The following SRFBP1 variants were observed in gnomAD, a reference collection of about 807,000 sequenced individuals.
SRFBP1 encodes serum response factor binding protein 1, also known as serum response factor-binding protein 1.
A neutral mutation model predicts 45.5 loss-of-function variants in SRFBP1; 47 were observed. The ratio of observed to expected loss-of-function variants is 1.03; its 90% CI spans 0.82 to 1.32. SRFBP1 has a LOEUF of 1.32. Among genes scored for constraint, SRFBP1 ranks in the 40% most tolerant of loss-of-function variants. The pLI is 0.00. For synonymous variants in SRFBP1, 203 were observed against 166.3 expected, an observed-to-expected ratio of 1.22 and a Z score of -1.70; for missense variants, 621 against 484.6, an observed-to-expected ratio of 1.28 and a Z score of -2.64.
chr5:122,077,298 G>A, downstream of SRFBP1: 1 of 1,606,702 alleles, frequency 6.2e-7, no homozygotes, highest in East Asian at 2.2e-5. The surrounding 1 kb of genome is among the most constrained non-coding windows in gnomAD (Gnocchi z 4.9). Flanking sequence ...ACGTCGAGAA[G>A]CCACATAGCT....
At chr5:122,031,829 C>A (rs1753591900), downstream of SRFBP1, among the ~76,000 whole-genome samples, 1 of 152,152 alleles carries the variant, frequency 6.6e-6, no homozygotes, top group Non-Finnish European at 1.5e-5. Flanking sequence ...TTGATACAGA[C>A]TACAACGTGA....
At chr5:121,988,045 G>A (rs1752550526) in intron 3 of SRFBP1, among the ~76,000 whole-genome samples, 1 of 152,202 alleles carries the variant, frequency 6.6e-6, no homozygotes, top group Non-Finnish European at 1.5e-5. Context: ...AAAGCAAAAA[G>A]TGGCATCTAG....
intron 4 of SRFBP1, among the ~76,000 whole-genome samples, chr5:122,000,105 T>A (rs1229856934): frequency 6.6e-6 from 1 of 152,078 alleles, no homozygotes; most frequent in Admixed American, 6.6e-5. Context: ...TTATTGTTTT[T>A]TAGTGTTCAC....
At chr5:122,011,962 C>G (rs1225559213) in intron 4 of SRFBP1, among the ~76,000 whole-genome samples, 1 of 152,014 alleles carries the variant, frequency 6.6e-6, no homozygotes, top group African/African-American at 2.4e-5. Context: ...CATTTATTTT[C>G]AAAAACACAT....
At chr5:122,059,564 G>A (rs1052165200) in intron 2 of SRFBP1, among the ~76,000 whole-genome samples, 1 of 152,066 alleles carries the variant, frequency 6.6e-6, no homozygotes, top group Non-Finnish European at 1.5e-5. Flanking sequence ...AATGGTGAGA[G>A]TAGCAAGAGA....
At chr5:122,077,575 A>T (rs746769036), downstream of SRFBP1, 34 of 1,612,872 alleles carry the variant, frequency 2.1e-5, no homozygotes, top group Non-Finnish European at 2.9e-5. The surrounding 1 kb of genome is among the most constrained non-coding windows in gnomAD (Gnocchi z 4.9). Context: ...GCGAGGCGCC[A>T]GCTTCGCGGG....
In SRFBP1 at chr5:122,019,351, A is replaced by T. The variant is rs1753254206; in HGVS notation, c.352+10A>T. On this transcript the variant is annotated intron_variant, in intron 5 of 7. Coordinates refer to ENST00000339397, the MANE Select transcript of SRFBP1 (RefSeq NM_152546.3). ...ATAGATGTGCTAAAAGGTATGAATTAAATGACTTTTAAGCCATGTACTTAA... is the reference window on the plus strand; with the variant it reads ...ATAGATGTGCTAAAAGGTATGAATTTAATGACTTTTAAGCCATGTACTTAA... 7 of 1,604,158 alleles carry T rather than the reference A, an allele frequency of 4.4e-6. No homozygotes were observed. The highest frequency in any genetic ancestry group is 6.0e-6 in the Non-Finnish European group (7 of 1,173,230).
chr5:121,969,148 C>A (rs1468997630), intron 1 of SRFBP1, among the ~76,000 whole-genome samples: 1 of 152,118 alleles, frequency 6.6e-6, no homozygotes, highest in Non-Finnish European at 1.5e-5. Context: ...CTCTAAAAAG[C>A]AAATTCATGT....
At position 122,020,358 on chromosome 5, in the gene SRFBP1, C is replaced by T; in HGVS notation, c.623C>T (p.Ser208Leu). ...VTIANSPSKP[S>L]EKDSVVSLES... ...ATTGCAAATTCTCCATCAAAGCCTT[C>T]AGAAAAGGATTCTGTAGTTTCCCTT... Residue 208 changes from serine to leucine, a missense_variant, in exon 6 of 8, where the codon TCA (serine) becomes TTA (leucine). Coordinates refer to ENST00000339397, the MANE Select transcript of SRFBP1 (RefSeq NM_152546.3). The T allele has an allele frequency of 6.2e-7, 1 of 1,614,032 alleles. No individual in the cohort carries two copies. Among genetic ancestry groups the T allele is most frequent in the East Asian group, 2.2e-5 (1 of 44,876 alleles).
chr5:121,967,018 C>A (rs1053058556), intron 1 of SRFBP1, among the ~76,000 whole-genome samples: 1 of 145,206 alleles, frequency 6.9e-6, no homozygotes, highest in Non-Finnish European at 1.5e-5. Flanking sequence ...TGGTCTCGAT[C>A]TCCTGACCTC....
At chr5:121,983,260 C>A (rs1752448279) in intron 3 of SRFBP1, among the ~76,000 whole-genome samples, 1 of 151,310 alleles carries the variant, frequency 6.6e-6, no homozygotes, top group Admixed American at 6.6e-5. Context: ...AAGAGAATGT[C>A]CAGAATGAAA....
At chr5:121,967,889 C>T (rs976924898) in intron 1 of SRFBP1, among the ~76,000 whole-genome samples, 2 of 152,170 alleles carry the variant, frequency 1.3e-5, no homozygotes, top group Non-Finnish European at 1.5e-5. Context: ...TTACTTCAAA[C>T]GTATGGAAAA....
At chr5:122,066,852 A>T (rs959178720) in intron 2 of SRFBP1, 1 of 729,626 alleles carries the variant, frequency 1.4e-6, no homozygotes, top group African/African-American at 1.8e-5. Flanking sequence ...TTTATGCAAC[A>T]GTTTCCCTCC....
chr5:122,071,024 T>C (rs1754434829), intron 2 of SRFBP1, among the ~76,000 whole-genome samples: 1 of 152,118 alleles, frequency 6.6e-6, no homozygotes, highest in South Asian at 2.1e-4. Context: ...CTTTTTATTG[T>C]GGATAGCTTT....
At chr5:122,053,632 C>T (rs762090395) in intron 2 of SRFBP1, among the ~76,000 whole-genome samples, 20 of 152,274 alleles carry the variant, frequency 1.3e-4, no homozygotes, top group Non-Finnish European at 2.8e-4. Flanking sequence ...AGAAGTGGGG[C>T]CGCTGGGCTG....
Position 122,027,150 on chromosome 5 carries a change from T to C in SRFBP1, c.*24T>C, listed in dbSNP as rs202198019. The stretch of plus-strand genomic sequence containing the variant: ...GATTAGTGCCTCTTTCTGCAAACTT[T>C]TCCATCTAAAAAAAAAAATGTTTTT... On this transcript the variant is annotated 3_prime_UTR_variant, in exon 8 of 8. Coordinates refer to ENST00000339397, the MANE Select transcript of SRFBP1 (RefSeq NM_152546.3). 1 of 1,574,806 alleles carries C rather than the reference T, an allele frequency of 6.3e-7. No homozygotes were observed. The highest frequency in any genetic ancestry group is 8.6e-7 in the Non-Finnish European group (1 of 1,162,192).
chr5:122,074,100 A>G (rs768485680), intron 2 of SRFBP1: 3 of 1,613,938 alleles, frequency 1.9e-6, no homozygotes, highest in Non-Finnish European at 2.5e-6. Context: ...TGTGGCCTTC[A>G]GCCACTCTCC....
chr5:122,007,492 G>A (rs1479907031), intron 4 of SRFBP1, among the ~76,000 whole-genome samples: 1 of 152,076 alleles, frequency 6.6e-6, no homozygotes, highest in Non-Finnish European at 1.5e-5. Context: ...TCTGGATCCT[G>A]GGGCCATGGG....
chr5:122,031,718 G>A (rs866860325), downstream of SRFBP1, among the ~76,000 whole-genome samples: 2 of 151,958 alleles, frequency 1.3e-5, no homozygotes, highest in Non-Finnish European at 2.9e-5. Flanking sequence ...TGGCATAATA[G>A]CTAAAAAAAA....
Sources: gnomAD v4.1 joint callset for allele counts (sites outside exome capture counted in the v4.1 genomes callset) on GRCh38, gnomAD v4.1.1 for gene constraint, Gnocchi (gnomAD v3.1) non-coding constraint, MANE v1.5 for transcripts, NCBI Gene and HGNC (gene_info 2026-07-23, HGNC 2026-07-21) for gene names.